The following TET2 variants were observed in gnomAD, a reference collection of about 807,000 sequenced individuals.
TET2 encodes the protein tet methylcytosine dioxygenase 2.
TET2 carries 299 observed loss-of-function variants against 142.9 expected under a neutral mutation model. The ratio of observed to expected loss-of-function variants is 2.09; its 90% confidence interval spans 1.90 to 2.30. The LOEUF is 2.30. Among genes scored for constraint, TET2 ranks in the 30% most tolerant of loss-of-function variants. The pLI, the probability that TET2 is intolerant of heterozygous loss-of-function variation, is 0.00. For missense variants in TET2, 2,418 were observed against 2,378.0 expected, an observed-to-expected ratio of 1.02 and a Z score of -0.35; for synonymous variants, 819 against 849.0, an observed-to-expected ratio of 0.96 and a Z score of 0.61.
At chr4:105,273,840 A>G (rs1216443728) in intron 10 of TET2, among the ~76,000 whole-genome samples, 1 of 152,188 alleles carries the variant, frequency 6.6e-6, no homozygotes, top group African/African-American at 2.4e-5. Context: ...AGTAATAACA[A>G]TAGAACATTA....
At chr4:105,233,295 A>C (rs180772974) in intron 2 of TET2, among the ~76,000 whole-genome samples, 2 of 149,672 alleles carry the variant, frequency 1.3e-5, no homozygotes, top group African/African-American at 5.0e-5. Context: ...GAGGCAGGAG[A>C]ATTGCTTGAA....
intron 2 of TET2, among the ~76,000 whole-genome samples, chr4:105,224,200 GC>G (rs1728033505): frequency 6.6e-6 from 1 of 151,702 alleles, no homozygotes; most frequent in African/African-American, 2.4e-5. Context: ...ACAAAATCAA[GC>G]CCTCTTCACA....
intron 4 of TET2, chr4:105,242,000 T>C: frequency 8.0e-7 from 1 of 1,242,850 alleles, no homozygotes; most frequent in Non-Finnish European, 1.0e-6. Flanking sequence ...CTCCTGCATG[T>C]AGAAGACTCT....
rs116519313 is a variant in TET2 at position 105,276,128 on chromosome 4, T to A, written c.5618T>A (p.Ile1873Asn). ...GCTCCAACTCATGGGTCAATTCTCA[T>A]TGAGTGTGCAAAGCGTGAGCTGCAT... ...AVAPTHGSIL[I>N]ECAKRELHAT... The change falls in exon 11 of 11, where the codon ATT (isoleucine) becomes AAT (asparagine). Residue 1873 changes from isoleucine (I) to asparagine (N), a missense_variant. Ile to Asn is a moderately radical substitution (Grantham distance 149). Transcript: ENST00000380013. 1.3e-6 allele frequency: 2 copies of A among 1,551,356 alleles called. No individual in the cohort carries two copies. The highest frequency in any genetic ancestry group is 1.7e-6 in the Non-Finnish European group (2 of 1,146,912).
Position 105,278,163 on chromosome 4 carries a change from AATATATACATATATATATATATATATAT to A in TET2, c.*1652_*1679del. On this transcript the variant is annotated 3_prime_UTR_variant, in exon 11 of 11. Coordinates refer to ENST00000380013, the MANE Select transcript of TET2 (RefSeq NM_001127208.3). ...GTATTTTAGTACTGTAAAAAAATTA[AATATATACATATATATATATATATATAT>A]ATATATATATATGAGTTTGAAGCAG... 8.6e-6 allele frequency: 1 copy of A among 116,738 alleles called. No homozygotes were observed. The highest frequency in any genetic ancestry group is 5.6e-5 in the African/African-American group (1 of 17,992). 7.2% of individuals were successfully genotyped at this position (116,738 alleles called of 1,614,324 possible). A position where few individuals can be genotyped will look rare whatever the true frequency, so the allele number is the denominator to read the frequency against.
chr4:105,246,556 T>G (rs1729591495), intron 6 of TET2, among the ~76,000 whole-genome samples: 1 of 152,252 alleles, frequency 6.6e-6, no homozygotes, highest in South Asian at 2.1e-4. Flanking sequence ...ATAAAAAATT[T>G]TAATACTTAA....
chr4:105,183,873 C>G (rs1335427765), intron 1 of TET2, among the ~76,000 whole-genome samples: 1 of 152,162 alleles, frequency 6.6e-6, no homozygotes, highest in East Asian at 1.9e-4. Context: ...CCTTTCTTCC[C>G]CTTTCACTCC....
chr4:105,223,058 C>G (rs1027895400), intron 2 of TET2, among the ~76,000 whole-genome samples: 19 of 152,134 alleles, frequency 1.2e-4, no homozygotes, highest in Non-Finnish European at 1.9e-4. Flanking sequence ...GGGCTCTGTT[C>G]TGTTCCATTG....
intron 7 of TET2, among the ~76,000 whole-genome samples, chr4:105,260,223 T>C (rs1730355747): frequency 6.6e-6 from 1 of 151,990 alleles, no homozygotes; most frequent in Non-Finnish European, 1.5e-5. Context: ...AACATTTAGA[T>C]TTTAATATAA....
At chr4:105,228,620 T>G (rs947927191) in intron 2 of TET2, among the ~76,000 whole-genome samples, 2 of 152,110 alleles carry the variant, frequency 1.3e-5, no homozygotes, top group African/African-American at 4.8e-5. Flanking sequence ...CCTACAAATT[T>G]TATATAATTT....
intron 8 of TET2, among the ~76,000 whole-genome samples, chr4:105,265,538 C>T (rs1191134791): frequency 1.3e-5 from 2 of 152,160 alleles, no homozygotes; most frequent in Admixed American, 6.6e-5. Flanking sequence ...ATGAACTGAA[C>T]GGCCACAAAG....
chr4:105,260,147 A>C (rs761871456), intron 7 of TET2, among the ~76,000 whole-genome samples: 6 of 148,534 alleles, frequency 4.0e-5, no homozygotes, highest in Non-Finnish European at 9.1e-5. Context: ...AGATTCAAAT[A>C]ATTTAAAGTC....
intron 8 of TET2, among the ~76,000 whole-genome samples, chr4:105,265,714 A>G (rs2110294480): frequency 6.6e-6 from 1 of 152,328 alleles, no homozygotes; most frequent in East Asian, 1.9e-4. Flanking sequence ...TGGAGTAAAC[A>G]GAGACTACAT....
chr4:105,253,641 T>C (rs1729981048), intron 6 of TET2, among the ~76,000 whole-genome samples: 1 of 152,088 alleles, frequency 6.6e-6, no homozygotes, highest in African/African-American at 2.4e-5. Flanking sequence ...TTTATTTTCT[T>C]GTCTTAATGT....
chr4:105,252,011 G>A (rs959309611), intron 6 of TET2, among the ~76,000 whole-genome samples: 9 of 152,276 alleles, frequency 5.9e-5, no homozygotes, highest in South Asian at 2.1e-4. Context: ...TACATTTGTT[G>A]CAGTCAATGA....
intron 7 of TET2, among the ~76,000 whole-genome samples, chr4:105,260,626 T>C (rs1307506466): frequency 6.6e-6 from 1 of 152,170 alleles, no homozygotes; most frequent in African/African-American, 2.4e-5. Flanking sequence ...ATTTCCATAC[T>C]ATAGATATTA....
chr4:105,278,642 A>C lies in TET2; in HGVS notation c.*2123A>C. 1 of 232,486 alleles carries C rather than the reference A, an allele frequency of 4.3e-6. No individual in the cohort carries two copies. Among genetic ancestry groups the C allele is most frequent in the Non-Finnish European group, 8.5e-6 (1 of 117,584 alleles). The allele number at this position is 232,486 out of a possible 1,614,324, so 14.4% of individuals were successfully genotyped here. On this transcript the variant is annotated 3_prime_UTR_variant, in exon 11 of 11. Coordinates refer to ENST00000380013, the MANE Select transcript of TET2 (RefSeq NM_001127208.3). ...TTGTACATGTGCTGATGTAACTAAAACTAATTTTGTAAATCTGTTGGCTCT... is the reference window on the plus strand; with the variant it reads ...TTGTACATGTGCTGATGTAACTAAACCTAATTTTGTAAATCTGTTGGCTCT...
chr4:105,224,186 A>G (rs567129774), intron 2 of TET2, among the ~76,000 whole-genome samples: 20 of 152,256 alleles, frequency 1.3e-4, no homozygotes, highest in African/African-American at 4.8e-4. Context: ...AAAATAAAAC[A>G]AAAACAAAAT....
intron 2 of TET2, among the ~76,000 whole-genome samples, chr4:105,198,911 A>G (rs549672468): frequency 1.1e-4 from 16 of 152,354 alleles, no homozygotes; most frequent in African/African-American, 3.8e-4. Context: ...ACTTAATTAT[A>G]ATTAACACTT....
Sources: gnomAD v4.1 joint callset for allele counts (sites outside exome capture counted in the v4.1 genomes callset) on GRCh38, gnomAD v4.1.1 for gene constraint, MANE v1.5 for transcripts, NCBI Gene and HGNC (gene_info 2026-07-23, HGNC 2026-07-21) for gene names.